Variants in AGBL4 observed in about 807,000 individuals in gnomAD.
The protein encoded by AGBL4 is cytosolic carboxypeptidase 6.
In AGBL4, 58 loss-of-function variants were observed where a neutral mutation model predicts 66.4. That is an observed-to-expected ratio of 0.87 (90% CI 0.71 to 1.09). The LOEUF is 1.09. Among genes scored for constraint, AGBL4 ranks in the 50% least tolerant of loss-of-function variants. The pLI is 0.00. For missense variants in AGBL4, 579 were observed against 631.0 expected (o/e 0.92, Z 0.88); for synonymous variants, 234 against 222.9 (o/e 1.05, Z -0.44).
rs1015198241 is a variant in AGBL4, at chr1:49,931,060, T to A, written c.35-79542A>T. ...AAATAATTAATGAGTATAACAAGAT[T>A]GCAGGATACAATGTCAATGAACAAA... On this transcript the variant is annotated intron_variant, in intron 1 of 13. Coordinates refer to ENST00000371839, the MANE Select transcript of AGBL4 (RefSeq NM_032785.4). Among the ~76,000 whole-genome samples the A allele has an allele frequency of 2.6e-4, 39 of 152,130 alleles. 2 individuals carry two copies. The highest frequency in any genetic ancestry group is 1.4e-3 in the Admixed American group (22 of 15,266).
At chr1:48,598,840 T>A (rs1645034615) in intron 9 of AGBL4, among the ~76,000 whole-genome samples, 1 of 152,130 alleles carries the variant, frequency 6.6e-6, no homozygotes, top group African/African-American at 2.4e-5. Context: ...TTACTGGGAC[T>A]TTTTTACTTT....
intron 3 of AGBL4, among the ~76,000 whole-genome samples, chr1:49,262,208 T>C (rs899250132): frequency 1.3e-5 from 2 of 152,134 alleles, no homozygotes; most frequent in Non-Finnish European, 2.9e-5. Context: ...ATAAAAACCC[T>C]AGAAGAAAAC....
chr1:49,422,904 A>G (rs1645575366), intron 3 of AGBL4, among the ~76,000 whole-genome samples: 1 of 152,088 alleles, frequency 6.6e-6, no homozygotes, highest in African/African-American at 2.4e-5. Context: ...TGCTCTCTAA[A>G]CTCAAATTCC....
intron 2 of AGBL4, among the ~76,000 whole-genome samples, chr1:49,827,310 G>A (rs772331095): frequency 6.6e-6 from 1 of 151,900 alleles, no homozygotes; most frequent in Admixed American, 6.6e-5. Context: ...TGGAGTAAAA[G>A]GATTTAATAA....
At chr1:49,555,794 GC>G (rs1360157944) in intron 3 of AGBL4, among the ~76,000 whole-genome samples, 1 of 151,882 alleles carries the variant, frequency 6.6e-6, no homozygotes, top group Non-Finnish European at 1.5e-5. Context: ...ATCATCACTG[GC>G]CATCACAGAA....
At chr1:48,882,855 A>G (rs1649926270) in intron 5 of AGBL4, among the ~76,000 whole-genome samples, 1 of 152,160 alleles carries the variant, frequency 6.6e-6, no homozygotes, top group Non-Finnish European at 1.5e-5. Context: ...CATATAAATG[A>G]GATCATATAG....
At chr1:48,635,852 G>A (rs776330866) in intron 8 of AGBL4, among the ~76,000 whole-genome samples, 68 of 152,280 alleles carry the variant, frequency 4.5e-4, no homozygotes, top group Non-Finnish European at 7.9e-4. Flanking sequence ...CACCTTCTAG[G>A]CCAGCAAGTT....
intron 3 of AGBL4, among the ~76,000 whole-genome samples, chr1:49,416,889 A>C (rs1645437687): frequency 6.6e-6 from 1 of 152,154 alleles, no homozygotes; most frequent in Non-Finnish European, 1.5e-5. Flanking sequence ...AATAAATACA[A>C]GAAAAACATG....
At chr1:48,957,705 T>C (rs991515860) in intron 5 of AGBL4, among the ~76,000 whole-genome samples, 1 of 152,178 alleles carries the variant, frequency 6.6e-6, no homozygotes, top group African/African-American at 2.4e-5. Flanking sequence ...CCAAGAGTAC[T>C]TCCTATGTTC....
intron 3 of AGBL4, among the ~76,000 whole-genome samples, chr1:49,303,959 T>G (rs939091432): frequency 4.6e-5 from 7 of 152,236 alleles, no homozygotes; most frequent in African/African-American, 1.7e-4. Context: ...TAGTTTCTTT[T>G]GCTGTGCAGA....
intron 4 of AGBL4, among the ~76,000 whole-genome samples, chr1:49,211,720 A>G (rs1244422330): frequency 1.3e-5 from 2 of 152,126 alleles, no homozygotes; most frequent in Non-Finnish European, 2.9e-5. Context: ...ACTACTCTGC[A>G]ATTTAATAAC....
chr1:48,890,468 T>C (rs1268100270), intron 5 of AGBL4, among the ~76,000 whole-genome samples: 1 of 152,192 alleles, frequency 6.6e-6, no homozygotes, highest in African/African-American at 2.4e-5. Flanking sequence ...TATTCTTGCA[T>C]TTTTCCTTTC....
At chr1:49,555,070 G>C (rs1363762726) in intron 3 of AGBL4, among the ~76,000 whole-genome samples, 1 of 152,166 alleles carries the variant, frequency 6.6e-6, no homozygotes, top group African/African-American at 2.4e-5. Flanking sequence ...TGCCACTGCT[G>C]GCTCTCTGGC....
intron 4 of AGBL4, among the ~76,000 whole-genome samples, chr1:49,107,294 C>A (rs1016815887): frequency 6.6e-6 from 1 of 152,082 alleles, no homozygotes; most frequent in Non-Finnish European, 1.5e-5. Flanking sequence ...TTTTGCCCAA[C>A]TGTAGGCACA....
intron 3 of AGBL4, among the ~76,000 whole-genome samples, chr1:49,473,897 C>T (rs1646797061): frequency 6.6e-6 from 1 of 152,032 alleles, no homozygotes; most frequent in Non-Finnish European, 1.5e-5. Flanking sequence ...TATCCTTTCC[C>T]AGTTGTTTAT....
At chr1:49,878,311 C>T (rs1329139686) in intron 1 of AGBL4, among the ~76,000 whole-genome samples, 9 of 149,330 alleles carry the variant, frequency 6.0e-5, no homozygotes. Flanking sequence ...CTATAAATTT[C>T]CCTCTACACA....
At chr1:49,834,850 A>G (rs1645803515) in intron 2 of AGBL4, among the ~76,000 whole-genome samples, 2 of 152,160 alleles carry the variant, frequency 1.3e-5, no homozygotes, top group Non-Finnish European at 2.9e-5. Context: ...ATTCAGGAGC[A>G]GGTTGTTCAG....
At chr1:49,742,602 T>G (rs1650607520) in intron 2 of AGBL4, among the ~76,000 whole-genome samples, 1 of 152,122 alleles carries the variant, frequency 6.6e-6, no homozygotes, top group South Asian at 2.1e-4. Flanking sequence ...AAGTCAATCC[T>G]AAGCCAAAAG....
At position 48,736,601 on chromosome 1, in the gene AGBL4, G is replaced by T. The variant is rs1649097898; in HGVS notation, c.635-73360C>A. 3 of 694,506 alleles carry T rather than the reference G, an allele frequency of 4.3e-6. No homozygotes were observed. In the African/African-American group the frequency reaches 5.4e-5, roughly 13 times the overall value. 43.0% of individuals were successfully genotyped at this position (694,506 alleles called of 1,614,324 possible). ...ACTCTCTTTAAGGGTAATCGTAATA[G>T]CTATCATCTACTGAATACGTGTAGT... On this transcript the variant is annotated intron_variant, in intron 6 of 13. Transcript: ENST00000371839. This position sits in a 1 kb window ranked among gnomAD's most constrained non-coding sequence, Gnocchi z 4.0.
Sources: gnomAD v4.1 joint callset for allele counts (sites outside exome capture counted in the v4.1 genomes callset) on GRCh38, gnomAD v4.1.1 for gene constraint, Gnocchi (gnomAD v3.1) non-coding constraint, MANE v1.5 for transcripts, NCBI Gene and HGNC (gene_info 2026-07-23, HGNC 2026-07-21) for gene names.